The following KATNIP variants were observed in gnomAD, a reference collection of about 807,000 sequenced individuals.
The protein encoded by KATNIP is katanin-interacting protein.
KATNIP carries 126 observed loss-of-function variants against 174.0 expected under a neutral mutation model. The ratio of observed to expected loss-of-function variants is 0.72; its 90% CI spans 0.63 to 0.84. The LOEUF (loss-of-function observed/expected upper bound fraction) is 0.84. Ranked by LOEUF, KATNIP falls within the 40% of genes least tolerant of loss-of-function variation. The pLI, the probability that KATNIP is intolerant of heterozygous loss-of-function variation, is 0.00. For synonymous variants in KATNIP, 810 were observed against 835.7 expected, an observed-to-expected ratio of 0.97 and a Z score of 0.53; for missense variants, 1,958 against 2,109.7, an observed-to-expected ratio of 0.93 and a Z score of 1.41.
intron 6 of KATNIP, among the ~76,000 whole-genome samples, chr16:27,655,183 TA>T (rs2077232055): frequency 4.0e-4 from 3 of 7,452 alleles, no homozygotes; most frequent in African/African-American, 1.0e-3. Context: ...AATGGATATA[TA>T]TATATATATA....
rs61740167 is a variant in KATNIP at position 27,573,920 on chromosome 16, C to T, written c.27C>T (p.Ala9=). 1.1e-5 allele frequency: 17 copies of T among 1,614,088 alleles called. No homozygotes were observed. The East Asian group carries it at 2.2e-4, about 21-fold the overall frequency. Residue 9 remains alanine (A), a synonymous_variant, in exon 2 of 28, where the codon GCC becomes GCT. Transcript: ENST00000261588. MDGQTLRK[A]ERSWSCSREK... is the part of the protein sequence containing the mutation. ...CGACAGGTCAGACTCTGCGAAAGGC[C>T]GAGAGAAGCTGGTCCTGCTCACGAG...
intron 2 of KATNIP, among the ~76,000 whole-genome samples, chr16:27,585,371 G>A (rs1236423409): frequency 6.6e-6 from 1 of 152,200 alleles, no homozygotes; most frequent in Non-Finnish European, 1.5e-5. Context: ...GAACAGTTTG[G>A]AGATTCCTCA....
At chr16:27,705,053 G>A (rs1291480907) in intron 12 of KATNIP, among the ~76,000 whole-genome samples, 1 of 151,898 alleles carries the variant, frequency 6.6e-6, no homozygotes, top group African/African-American at 2.4e-5. Flanking sequence ...TGGGATTACA[G>A]GCACGCATCA....
At chr16:27,569,963 G>T (rs180720034) in intron 1 of KATNIP, among the ~76,000 whole-genome samples, 2 of 152,116 alleles carry the variant, frequency 1.3e-5, no homozygotes, top group East Asian at 3.9e-4. Context: ...ACCTAGGCTG[G>T]TCTTGAACTC....
chr16:27,569,249 C>T (rs1479296178), intron 1 of KATNIP, among the ~76,000 whole-genome samples: 1 of 152,202 alleles, frequency 6.6e-6, no homozygotes, highest in Non-Finnish European at 1.5e-5. Context: ...CGACTCCCCT[C>T]TAAATGGTAG....
chr16:27,755,958 C>A (rs185045608), intron 18 of KATNIP, among the ~76,000 whole-genome samples: 20 of 152,326 alleles, frequency 1.3e-4, no homozygotes, highest in Admixed American at 8.5e-4. Context: ...CAAGGAGACT[C>A]TCTTCAGCCA....
Position 27,751,699 on chromosome 16 carries a change from TC to T in KATNIP, c.3347-19del, listed in dbSNP as rs1384048196. On this transcript the variant is annotated intron_variant, in intron 16 of 27. Coordinates refer to ENST00000261588, the MANE Select transcript of KATNIP (RefSeq NM_015202.5). The stretch of plus-strand genomic sequence containing the variant: ...GATGTGAAGTGAGTTGACCTTTCTG[TC>T]ATCTTGATAACCCATTAGCCCCAGA... The T allele has an allele frequency of 2.5e-6, 4 of 1,612,600 alleles. No individual in the cohort carries two copies. The Admixed American group carries it at 6.7e-5, about 27-fold the overall frequency.
chr16:27,644,375 C>A (rs2076897409), intron 5 of KATNIP: 1 of 152,142 alleles, frequency 6.6e-6, no homozygotes, highest in South Asian at 2.1e-4. Flanking sequence ...CCAGAGCCTC[C>A]TATAATAACA....
Position 27,701,689 on chromosome 16 carries a change from GA to G in KATNIP, c.1282del (p.Ser428AlafsTer8). 6.3e-7 allele frequency: 1 copy of G among 1,598,240 alleles called. No individual in the cohort carries two copies. Among genetic ancestry groups the G allele is most frequent in the Non-Finnish European group, 8.5e-7 (1 of 1,172,466 alleles). ...NQAMDRIGLL[G>X]SRQQQKLLKV... ...GCCATGGACAGAATTGGGCTTCTGGGAAGCAGGTACTACTAAGGCTGAGGCC... is the reference window on the plus strand; with the variant it reads ...GCCATGGACAGAATTGGGCTTCTGGGAGCAGGTACTACTAAGGCTGAGGCC... On this transcript the variant is annotated frameshift_variant, in exon 11 of 28. Transcript: ENST00000261588. LOFTEE classifies it high-confidence loss of function.
At chr16:27,760,679 C>T (rs1235324781) in intron 18 of KATNIP, among the ~76,000 whole-genome samples, 1 of 152,222 alleles carries the variant, frequency 6.6e-6, no homozygotes, top group Non-Finnish European at 1.5e-5. Context: ...GTGCCAGGCA[C>T]CATGCCAGGC....
Position 27,770,035 on chromosome 16 carries a change from C to A in KATNIP, c.4133+17C>A. On this transcript the variant is annotated intron_variant, in intron 21 of 27. Coordinates refer to ENST00000261588, the MANE Select transcript of KATNIP (RefSeq NM_015202.5). ...GGCCAGGAGGTGAGGAGAAAGTGGG[C>A]GCCACACACAGCCCCTCCCGGCCCC... is the stretch of plus-strand genomic sequence containing the variant. The A allele has an allele frequency of 6.2e-7, 1 of 1,608,712 alleles. No homozygotes were observed. The highest frequency in any genetic ancestry group is 8.5e-7 in the Non-Finnish European group (1 of 1,175,698).
intron 2 of KATNIP, among the ~76,000 whole-genome samples, chr16:27,583,482 T>A (rs1185453997): frequency 1.3e-5 from 2 of 152,176 alleles, no homozygotes; most frequent in African/African-American, 2.4e-5. Context: ...GAAAGGTATG[T>A]CTGCAGGATA....
intron 6 of KATNIP, chr16:27,660,083 G>T (rs2077421298): frequency 8.0e-6 from 7 of 872,102 alleles, no homozygotes; most frequent in Non-Finnish European, 9.6e-6. Flanking sequence ...AGCCTGGGAA[G>T]GTAGCTTGGG....
chr16:27,607,031 A>T (rs1171329724), intron 2 of KATNIP, among the ~76,000 whole-genome samples: 1 of 152,062 alleles, frequency 6.6e-6, no homozygotes, highest in Non-Finnish European at 1.5e-5. Flanking sequence ...AGAGATAAGG[A>T]CTTTTCCAGG....
At chr16:27,704,906 CTTTTTTT>C (rs560766968) in intron 12 of KATNIP, among the ~76,000 whole-genome samples, 3,724 of 127,534 alleles carry the variant, frequency 0.029, 121 homozygotes, top group African/African-American at 0.09. Flanking sequence ...TCTTTTTTTT[CTTTTTTT>C]TTTTTTTTTT....
intron 1 of KATNIP, among the ~76,000 whole-genome samples, chr16:27,565,783 A>T (rs1048037476): frequency 6.6e-6 from 1 of 151,666 alleles, no homozygotes. Flanking sequence ...GATGTCTCAT[A>T]AAAAAAACAA....
intron 6 of KATNIP, among the ~76,000 whole-genome samples, chr16:27,674,678 T>C (rs1023286024): frequency 2.0e-5 from 3 of 152,240 alleles, no homozygotes; most frequent in Non-Finnish European, 4.4e-5. Flanking sequence ...TAATCATATC[T>C]TCAAGGTCCC....
intron 6 of KATNIP, among the ~76,000 whole-genome samples, chr16:27,674,703 C>T (rs2078047235): frequency 6.6e-6 from 1 of 152,366 alleles, no homozygotes; most frequent in East Asian, 1.9e-4. Flanking sequence ...CCCTGTAAGG[C>T]AGCATCTCCT....
chr16:27,766,268 C>T, intron 19 of KATNIP, 41 bp from the exon 20 acceptor site: 1 of 1,605,326 alleles, frequency 6.2e-7, no homozygotes, highest in South Asian at 1.1e-5. Flanking sequence ...CTCCTGTGCC[C>T]ACTGAGCCGC....
Sources: allele counts gnomAD v4.1 joint callset (sites outside exome capture counted in the v4.1 genomes callset), GRCh38; gene constraint gnomAD v4.1.1; transcripts MANE v1.5; gene names NCBI Gene and HGNC (gene_info 2026-07-23, HGNC 2026-07-21).